VIT: variants seen among roughly 807,000 people sequenced by gnomAD.
VIT encodes vitrin.
Under a neutral mutation model 78.0 loss-of-function variants are expected in VIT, and 99 were observed. The ratio of observed to expected loss-of-function variants is 1.27; its 90% CI spans 1.08 to 1.50. The LOEUF (loss-of-function observed/expected upper bound fraction) is 1.50. VIT is among the 40% of genes most tolerant of loss of function. The pLI is 0.00. For missense variants in VIT, 1,126 were observed against 875.3 expected (o/e 1.29, Z -3.61); for synonymous variants, 374 against 334.3 (o/e 1.12, Z -1.29).
Position 36,814,310 on chromosome 2 carries a change from C to G in VIT, c.2031C>G (p.Pro677=), listed in dbSNP as rs866034347. The change falls in exon 16 of 16, where the codon CCC becomes CCG. Residue 677 remains proline (P), a synonymous_variant. Coordinates refer to ENST00000379242, the MANE Select transcript of VIT (RefSeq NM_053276.4). The part of the protein sequence containing the change: ...DEFDNLHQYV[P]RIIQNICTEF... The stretch of plus-strand genomic sequence containing the variant: ...TTGACAACCTCCATCAGTATGTCCC[C>G]AGGATCATCCAGAACATTTGTACAG... 45 of 1,614,212 alleles carry G rather than the reference C, an allele frequency of 2.8e-5. 1 individual carries two copies. In the Middle Eastern group the frequency reaches 2.5e-3, roughly 89 times the overall value.
At chr2:36,792,714 G>A (rs77647668) in intron 12 of VIT, among the ~76,000 whole-genome samples, 2,610 of 152,194 alleles carry the variant, frequency 0.017, 44 homozygotes, top group Non-Finnish European at 0.028. Flanking sequence ...AGTGAAGACC[G>A]GAATATTCTC....
At chr2:36,724,230 A>G (rs1014285997) in intron 2 of VIT, among the ~76,000 whole-genome samples, 1 of 152,076 alleles carries the variant, frequency 6.6e-6, no homozygotes, top group Admixed American at 6.5e-5. Flanking sequence ...TGTTGGCCAG[A>G]GAACACTGGA....
rs770448902 is a variant in VIT at position 36,801,424 on chromosome 2, A to C, written c.1162+20A>C. On this transcript the variant is annotated intron_variant, in intron 13 of 15. Coordinates refer to ENST00000379242, the MANE Select transcript of VIT (RefSeq NM_053276.4). Reference sequence around the variant, plus strand: ...ATGTAGGTATGTGATCCGGATTCAAATTATACTATCTTGCTACCATCGTTC... The same window carrying C: ...ATGTAGGTATGTGATCCGGATTCAACTTATACTATCTTGCTACCATCGTTC... 26 of 1,567,390 alleles carry C rather than the reference A, an allele frequency of 1.7e-5. No homozygotes were observed. The highest frequency in any genetic ancestry group is 2.2e-5 in the Non-Finnish European group (25 of 1,138,574).
In VIT at chr2:36,808,953, T is replaced by A; in HGVS notation, c.1871T>A (p.Val624Asp). ...LITDGRSYDD[V>D]RIPAMAAHLK... ...ACCGACGGGAGGTCCTACGACGACGTCCGGATCCCAGCCATGGCTGCCCAT... is the reference window on the plus strand; with the variant it reads ...ACCGACGGGAGGTCCTACGACGACGACCGGATCCCAGCCATGGCTGCCCAT... Residue 624 changes from valine (V) to aspartate (D), a missense_variant, in exon 15 of 16, where the codon GTC (valine) becomes GAC (aspartate). Coordinates refer to ENST00000379242, the MANE Select transcript of VIT (RefSeq NM_053276.4). 1.2e-6 allele frequency: 2 copies of A among 1,601,504 alleles called. No homozygotes were observed. Among genetic ancestry groups the A allele is most frequent in the Non-Finnish European group, 1.7e-6 (2 of 1,171,592 alleles).
At chr2:36,742,276 C>A (rs981246934) in intron 3 of VIT, among the ~76,000 whole-genome samples, 20 of 152,156 alleles carry the variant, frequency 1.3e-4, no homozygotes, top group African/African-American at 3.9e-4. Flanking sequence ...CCCCAGGCAA[C>A]CTTTCAGCTT....
At chr2:36,710,502 C>T (rs1317043849) in intron 1 of VIT, among the ~76,000 whole-genome samples, 6 of 152,166 alleles carry the variant, frequency 3.9e-5, no homozygotes, top group African/African-American at 1.4e-4. Context: ...CCAAATTTTT[C>T]ATGTGTTCCT....
At chr2:36,713,548 T>G (rs528292368) in intron 1 of VIT, among the ~76,000 whole-genome samples, 2 of 152,188 alleles carry the variant, frequency 1.3e-5, no homozygotes, top group Non-Finnish European at 2.9e-5. Flanking sequence ...TCATGCTGGC[T>G]GCTCTGTGGA....
At position 36,724,082 on chromosome 2, in the gene VIT, G is replaced by A. The variant is rs182694725; in HGVS notation, c.53-5344G>A. On this transcript the variant is annotated intron_variant, in intron 2 of 15. Transcript: ENST00000379242. ...TGCCCAGGCTGGAGTGCAGTGGTGC[G>A]ATCTCGGCTCATTGCAACCTCCACC... 7.6e-4 allele frequency among the ~76,000 whole-genome samples: 115 copies of A among 151,330 alleles called. 2 individuals are homozygous for A. Among genetic ancestry groups the A allele is most frequent in the East Asian group, 1.4e-3 (7 of 5,132 alleles).
At chr2:36,734,552 C>T (rs1276136745) in intron 3 of VIT, among the ~76,000 whole-genome samples, 1 of 151,920 alleles carries the variant, frequency 6.6e-6, no homozygotes, top group Non-Finnish European at 1.5e-5. Flanking sequence ...CAAAGGCTGA[C>T]CAAGTAGAAA....
At chr2:36,758,903 G>C (rs966785720) in intron 5 of VIT, 66 bp from the exon 6 acceptor site, 2 of 1,394,034 alleles carry the variant, frequency 1.4e-6, no homozygotes, top group East Asian at 2.3e-5. Flanking sequence ...AATCAACTTA[G>C]TACAGAACCA....
intron 3 of VIT, among the ~76,000 whole-genome samples, 172 bp downstream of exon 3, chr2:36,729,663 T>C (rs1667075179): frequency 6.6e-6 from 1 of 152,224 alleles, no homozygotes; most frequent in Non-Finnish European, 1.5e-5. Context: ...TTCCAAAAAG[T>C]ATTTGAGATA....
intron 3 of VIT, among the ~76,000 whole-genome samples, chr2:36,736,351 C>T (rs776206993): frequency 6.6e-6 from 1 of 152,206 alleles, no homozygotes; most frequent in African/African-American, 2.4e-5. Context: ...AAGGCCTACT[C>T]TTTAACTTAT....
At chr2:36,734,937 G>A (rs945714831) in intron 3 of VIT, among the ~76,000 whole-genome samples, 1 of 152,140 alleles carries the variant, frequency 6.6e-6, no homozygotes, top group Non-Finnish European at 1.5e-5. Context: ...GCCGAGGCAG[G>A]TGGATCGCCT....
At position 36,801,414 on chromosome 2, in the gene VIT, C is replaced by A. The variant is rs763825759; in HGVS notation, c.1162+10C>A. On this transcript the variant is annotated intron_variant, in intron 13 of 15. Coordinates refer to ENST00000379242, the MANE Select transcript of VIT (RefSeq NM_053276.4). ...GGACTTTCTAATGTAGGTATGTGAT[C>A]CGGATTCAAATTATACTATCTTGCT... The A allele has an allele frequency of 2.1e-5, 33 of 1,594,326 alleles. No individual in the cohort carries two copies. The highest frequency in any genetic ancestry group is 2.6e-5 in the Non-Finnish European group (30 of 1,162,782).
chr2:36,809,065 G>A (rs1666962885), intron 15 of VIT, 80 bp downstream of exon 15: 1 of 1,495,226 alleles, frequency 6.7e-7, no homozygotes, highest in East Asian at 2.3e-5. Flanking sequence ...GGAAGGTATT[G>A]TCTTTTTATG....
chr2:36,760,533 T>G (rs1249561164), intron 6 of VIT, among the ~76,000 whole-genome samples: 1 of 152,112 alleles, frequency 6.6e-6, no homozygotes, highest in African/African-American at 2.4e-5. Context: ...CGTGGGCCAT[T>G]TCTGAGATAT....
intron 2 of VIT, among the ~76,000 whole-genome samples, chr2:36,727,339 C>T (rs185528660): frequency 1.6e-3 from 239 of 152,222 alleles, no homozygotes; most frequent in African/African-American, 5.3e-3. Flanking sequence ...ATAGCGTGCA[C>T]GCACATAGAT....
intron 13 of VIT, 132 bp from the exon 14 acceptor site, chr2:36,805,306 A>C: frequency 1.2e-6 from 1 of 803,780 alleles, no homozygotes; most frequent in Non-Finnish European, 1.7e-6. Context: ...CCTGTCTCAA[A>C]GGAAAAAAAA....
At chr2:36,801,507 C>T (rs1405296691) in intron 13 of VIT, 103 bp downstream of exon 13, 1 of 1,092,098 alleles carries the variant, frequency 9.2e-7, no homozygotes, top group Non-Finnish European at 1.3e-6. Flanking sequence ...TAATAATAAT[C>T]CGTCAAGAAA....
Sources: allele counts gnomAD v4.1 joint callset (sites outside exome capture counted in the v4.1 genomes callset), GRCh38; gene constraint gnomAD v4.1.1; transcripts MANE v1.5; gene names NCBI Gene and HGNC (gene_info 2026-07-23, HGNC 2026-07-21).